CDK5RAP2: variants seen among roughly 807,000 people sequenced by gnomAD.
CDK5RAP2 encodes CDK5 regulatory subunit associated protein 2, also known as CDK5 regulatory subunit-associated protein 2.
Under a neutral mutation model 232.9 loss-of-function variants are expected in CDK5RAP2, and 147 were observed. The ratio of observed to expected loss-of-function variants is 0.63; its 90% CI spans 0.55 to 0.72. CDK5RAP2 has a LOEUF of 0.72. Ranked by LOEUF, CDK5RAP2 falls within the 30% of genes least tolerant of loss-of-function variation. The pLI is 0.00. For synonymous variants in CDK5RAP2, 833 were observed against 833.7 expected (o/e 1.00, Z 0.01); for missense variants, 2,195 against 2,231.5 (o/e 0.98, Z 0.33).
chr9:120,413,830 A>AGGAG (rs111878508), intron 28 of CDK5RAP2, among the ~76,000 whole-genome samples: 4,784 of 93,200 alleles, frequency 0.051, 99 homozygotes, highest in African/African-American at 0.082. Context: ...GGGAGGAGGG[A>AGGAG]GGAGGGAGGA....
intron 25 of CDK5RAP2, among the ~76,000 whole-genome samples, chr9:120,432,480 C>T (rs532789879): frequency 8.1e-4 from 123 of 152,176 alleles, no homozygotes; most frequent in African/African-American, 2.9e-3. Flanking sequence ...ATATGACTGC[C>T]TCGAATATAA....
intron 20 of CDK5RAP2, among the ~76,000 whole-genome samples, chr9:120,454,469 GA>G (rs1473750125): frequency 6.6e-6 from 1 of 152,216 alleles, no homozygotes; most frequent in Non-Finnish European, 1.5e-5. Flanking sequence ...ACAATTCTCT[GA>G]AAAGAAGATA....
chr9:120,565,490 G>A (rs991335529), intron 3 of CDK5RAP2, among the ~76,000 whole-genome samples: 1 of 152,052 alleles, frequency 6.6e-6, no homozygotes, highest in African/African-American at 2.4e-5. Flanking sequence ...TTCATCTTCA[G>A]GACAAAAACC....
chr9:120,518,165 C>CTGTGTGTGTGTG lies in CDK5RAP2; in HGVS notation c.1311+250_1311+261dup, dbSNP rs56032707. On this transcript the variant is annotated intron_variant, in intron 12 of 37. Coordinates refer to ENST00000349780, the MANE Select transcript of CDK5RAP2 (RefSeq NM_018249.6). ...CTGTATTTTCAACTCGATAACAACT[C>CTGTGTGTGTGTG]TGTGTGTGTGTGTGTGTGTGTGTGT... Among the ~76,000 whole-genome samples the CTGTGTGTGTGTG allele has an allele frequency of 3.6e-3, 401 of 111,230 alleles. 6 individuals are homozygous for CTGTGTGTGTGTG. Among genetic ancestry groups the CTGTGTGTGTGTG allele is most frequent in the South Asian group, 6.1e-3 (16 of 2,602 alleles). 73.0% of individuals were successfully genotyped at this position (111,230 alleles called of 152,430 possible).
At chr9:120,397,397 G>A (rs959579068) in intron 35 of CDK5RAP2, among the ~76,000 whole-genome samples, 2 of 150,780 alleles carry the variant, frequency 1.3e-5, no homozygotes, top group African/African-American at 4.9e-5. Context: ...CTCTCTAGAA[G>A]ATTTTTTTTT....
intron 26 of CDK5RAP2, among the ~76,000 whole-genome samples, 155 bp from the exon 27 acceptor site, chr9:120,420,115 T>G (rs1564194124): frequency 6.6e-6 from 1 of 152,200 alleles, no homozygotes. Flanking sequence ...CATTAAGCAA[T>G]GACATTCTAA....
intron 28 of CDK5RAP2, among the ~76,000 whole-genome samples, chr9:120,412,957 A>G (rs1414935532): frequency 1.3e-5 from 2 of 152,200 alleles, no homozygotes; most frequent in Non-Finnish European, 2.9e-5. Flanking sequence ...CCTGGGTTTG[A>G]ACCATGGCTC....
At chr9:120,541,594 T>A (rs916355919) in intron 5 of CDK5RAP2, among the ~76,000 whole-genome samples, 6 of 152,210 alleles carry the variant, frequency 3.9e-5, no homozygotes, top group African/African-American at 1.4e-4. Context: ...CCCCTTATTG[T>A]AACTGATAAA....
At chr9:120,501,565 C>T (rs573544915) in intron 12 of CDK5RAP2, among the ~76,000 whole-genome samples, 102 of 152,302 alleles carry the variant, frequency 6.7e-4, no homozygotes, top group African/African-American at 2.4e-3. Flanking sequence ...TTTGACTTCC[C>T]TTCCATCAAG....
chr9:120,460,534 G>A (rs2037023975), intron 19 of CDK5RAP2, 38 bp downstream of exon 19: 1 of 1,583,556 alleles, frequency 6.3e-7, no homozygotes, highest in Non-Finnish European at 8.7e-7. Flanking sequence ...ACATAGAGTG[G>A]AGTAGATGAA....
chr9:120,472,711 A>C lies in CDK5RAP2; in HGVS notation c.1728-833T>G, dbSNP rs905947448. 7.9e-5 allele frequency among the ~76,000 whole-genome samples: 12 copies of C among 152,180 alleles called. 1 individual carries two copies. The highest frequency in any genetic ancestry group is 3.3e-4 in the Admixed American group (5 of 15,270). ...TAAGCTGTACAGAGAGCTTGCATGG[A>C]CTAGAAGCCCAAAACCCAGAGGAGA... On this transcript the variant is annotated intron_variant, in intron 15 of 37. Coordinates refer to ENST00000349780, the MANE Select transcript of CDK5RAP2 (RefSeq NM_018249.6).
chr9:120,431,070 C>T (rs779608851), intron 25 of CDK5RAP2, among the ~76,000 whole-genome samples: 1 of 151,956 alleles, frequency 6.6e-6, no homozygotes, highest in Non-Finnish European at 1.5e-5. Context: ...AATGAGAACA[C>T]GTGGACACAG....
intron 1 of CDK5RAP2, among the ~76,000 whole-genome samples, chr9:120,578,054 G>C (rs570613715): frequency 1.3e-5 from 2 of 152,198 alleles, no homozygotes; most frequent in Admixed American, 1.3e-4. Flanking sequence ...CAGATCATGA[G>C]ATCAGGAGAT....
intron 15 of CDK5RAP2, among the ~76,000 whole-genome samples, chr9:120,473,959 C>G (rs975499547): frequency 6.6e-6 from 1 of 152,090 alleles, no homozygotes; most frequent in African/African-American, 2.4e-5. Context: ...AGGTGCTTCA[C>G]TCAGAAAAAA....
chr9:120,529,356 G>A lies in CDK5RAP2; in HGVS notation c.826-559C>T, dbSNP rs995915526. Among the ~76,000 whole-genome samples, 14 of 152,338 alleles carry A rather than the reference G, an allele frequency of 9.2e-5. No homozygotes were observed. In the East Asian group the frequency reaches 9.6e-4, roughly 10 times the overall value. ...TTCAAAAGAGCTTGCTGGGGAGGCC[G>A]CCTAGGGCGGGGGCAGGAGTCCAGG... On this transcript the variant is annotated intron_variant, in intron 8 of 37. Transcript: ENST00000349780.
chr9:120,535,826 T>A (rs2041361220), intron 7 of CDK5RAP2, among the ~76,000 whole-genome samples: 1 of 152,258 alleles, frequency 6.6e-6, no homozygotes, highest in African/African-American at 2.4e-5. Flanking sequence ...TACACTGTTT[T>A]ATTTTTGACA....
chr9:120,448,244 C>T (rs35572880), intron 21 of CDK5RAP2, 118 bp from the exon 22 acceptor site: 4 of 835,184 alleles, frequency 4.8e-6, no homozygotes, highest in Non-Finnish European at 8.1e-6. Flanking sequence ...CCAGACTTCT[C>T]GTTCCCATAA....
intron 12 of CDK5RAP2, among the ~76,000 whole-genome samples, chr9:120,498,088 C>T (rs1046154188): frequency 6.6e-6 from 1 of 152,158 alleles, no homozygotes; most frequent in Non-Finnish European, 1.5e-5. Context: ...TTCCATATGC[C>T]GCAAAGGAAA....
chr9:120,438,538 G>T (rs1286922527), intron 24 of CDK5RAP2, among the ~76,000 whole-genome samples: 1 of 152,152 alleles, frequency 6.6e-6, no homozygotes, highest in Non-Finnish European at 1.5e-5. Context: ...CTTGAACCCT[G>T]GCAATGGCTC....
Sources: allele counts gnomAD v4.1 joint callset (sites outside exome capture counted in the v4.1 genomes callset), GRCh38; gene constraint gnomAD v4.1.1; transcripts MANE v1.5; gene names NCBI Gene and HGNC (gene_info 2026-07-23, HGNC 2026-07-21).